Variants in CELF2 observed in about 807,000 individuals in gnomAD.
CELF2 encodes the protein CUGBP Elav-like family member 2.
In CELF2, 8 loss-of-function variants were observed where a neutral mutation model predicts 62.6. The observed-to-expected ratio is 0.13, with a 90% CI of 0.07 to 0.23. The LOEUF (loss-of-function observed/expected upper bound fraction) is 0.23. Ranked by LOEUF, CELF2 falls within the 10% of genes least tolerant of loss-of-function variation. The pLI, the probability that CELF2 is intolerant of heterozygous loss-of-function variation, is 1.00. For synonymous variants in CELF2, 258 were observed against 250.0 expected, an observed-to-expected ratio of 1.03 and a Z score of -0.30; for missense variants, 333 against 671.0, an observed-to-expected ratio of 0.50 and a Z score of 5.56.
intron 4 of CELF2, among the ~76,000 whole-genome samples, chr10:11,250,990 C>T (rs971618883): frequency 6.6e-6 from 1 of 152,152 alleles, no homozygotes; most frequent in African/African-American, 2.4e-5. Context: ...CTGATGACTT[C>T]CTTGGTGGGA....
the CELF2 span, among the ~76,000 whole-genome samples, chr10:10,733,385 G>A: frequency 6.6e-6 from 1 of 151,956 alleles, no homozygotes; most frequent in Non-Finnish European, 1.5e-5. Flanking sequence ...AGTCATCAAA[G>A]AAACAAGCTT....
intron 2 of CELF2, among the ~76,000 whole-genome samples, chr10:11,212,024 A>G (rs2061981545): frequency 6.6e-6 from 1 of 152,158 alleles, no homozygotes. Flanking sequence ...TGTGTGGAGT[A>G]TGTCACACTC....
At chr10:10,594,415 T>A in the CELF2 span, among the ~76,000 whole-genome samples, 1 of 152,162 alleles carries the variant, frequency 6.6e-6, no homozygotes, top group African/African-American at 2.4e-5. Flanking sequence ...AGCTAACCTG[T>A]GCCCAGGCAT....
Position 11,117,539 on chromosome 10 carries a change from T to C in CELF2, c.75-47947T>C, listed in dbSNP as rs1018596650. On this transcript the variant is annotated intron_variant, in intron 1 of 12. Coordinates refer to ENST00000633077, the MANE Select transcript of CELF2 (RefSeq NM_001326342.2). The surrounding 1 kb of genome is among the most constrained non-coding windows in gnomAD (Gnocchi z 4.1). ...TAGACCTAGGTCCATCTTGAGGTGT[T>C]GTTATACAGCCTCTTAGGGGTTTTT... Among the ~76,000 whole-genome samples, 2 of 152,176 alleles carry C rather than the reference T, an allele frequency of 1.3e-5. No individual in the cohort carries two copies. The highest frequency in any genetic ancestry group is 2.4e-5 in the African/African-American group (1 of 41,432).
At position 11,270,517 on chromosome 10, in the gene CELF2, G is replaced by A. The variant is rs1419631799; in HGVS notation, c.619-149G>A. ...TTTTCTGTTGATGGTACTATTCAGA[G>A]AAGAAGGAATATCAAACCGTTTTAA... On this transcript the variant is annotated intron_variant, in intron 6 of 12. Coordinates refer to ENST00000633077, the MANE Select transcript of CELF2 (RefSeq NM_001326342.2). The surrounding 1 kb of genome is among the most constrained non-coding windows in gnomAD (Gnocchi z 5.8). 4 of 589,866 alleles carry A rather than the reference G, an allele frequency of 6.8e-6. No individual in the cohort carries two copies. The highest frequency in any genetic ancestry group is 3.7e-5 in the Admixed American group (1 of 26,860). The allele number at this position is 589,866 out of a possible 1,614,324, so 36.5% of individuals were successfully genotyped here.
chr10:11,278,357 G>T, intron 8 of CELF2, among the ~76,000 whole-genome samples: 1 of 152,128 alleles, frequency 6.6e-6, no homozygotes, highest in African/African-American at 2.4e-5. Flanking sequence ...TACTTTTTGT[G>T]CCTCCTTGGA....
upstream of CELF2, among the ~76,000 whole-genome samples, chr10:10,795,856 G>C (rs564115970): frequency 6.6e-6 from 1 of 151,912 alleles, no homozygotes; most frequent in Non-Finnish European, 1.5e-5. Context: ...GGTTTCAAAC[G>C]TTATCCTCCT....
intron 1 of CELF2, among the ~76,000 whole-genome samples, chr10:10,878,175 G>A (rs2061230012): frequency 6.6e-6 from 1 of 152,152 alleles, no homozygotes. Flanking sequence ...GATCCTATAG[G>A]ATCCCATCTA....
chr10:11,132,587 CTTTG>C (rs2059780432), intron 1 of CELF2, among the ~76,000 whole-genome samples: 1 of 152,102 alleles, frequency 6.6e-6, no homozygotes, highest in African/African-American at 2.4e-5. Flanking sequence ...ATGAAATTGT[CTTTG>C]TGTTAGAAAT....
chr10:10,933,603 C>T (rs971774789), intron 2 of CELF2, among the ~76,000 whole-genome samples: 2 of 152,080 alleles, frequency 1.3e-5, no homozygotes, highest in Admixed American at 6.5e-5. Context: ...CTCTCATCCC[C>T]ACCCCACCCC....
At chr10:11,261,113 C>A (rs1424441569) in intron 5 of CELF2, among the ~76,000 whole-genome samples, 1 of 152,216 alleles carries the variant, frequency 6.6e-6, no homozygotes, top group Admixed American at 6.5e-5. Flanking sequence ...GTTTTAAAAT[C>A]AAACTCTTGG....
At chr10:10,580,040 T>A in the CELF2 span, among the ~76,000 whole-genome samples, 1 of 152,172 alleles carries the variant, frequency 6.6e-6, no homozygotes, top group African/African-American at 2.4e-5. Context: ...ATAAATTATC[T>A]TCTCCTTCTA....
intron 1 of CELF2, among the ~76,000 whole-genome samples, chr10:10,852,357 A>G (rs1014991374): frequency 1.3e-5 from 2 of 152,238 alleles, no homozygotes; most frequent in Non-Finnish European, 2.9e-5. Context: ...GTTACTTGCT[A>G]TATGACTTCA....
chr10:11,329,688 TTGTC>T lies in CELF2; in HGVS notation c.*637_*640del, dbSNP rs1334109758. On this transcript the variant is annotated 3_prime_UTR_variant, in exon 13 of 13. Coordinates refer to ENST00000633077, the MANE Select transcript of CELF2 (RefSeq NM_001326342.2). The surrounding 1 kb of genome is among the most constrained non-coding windows in gnomAD (Gnocchi z 5.5). The stretch of plus-strand genomic sequence containing the variant: ...TTTATTGGTCAAAATATTACACTGG[TTGTC>T]TATTTTGTTATTGTTTTATTTTAGT... 2.0e-5 allele frequency: 3 copies of T among 152,580 alleles called. No individual in the cohort carries two copies. The highest frequency in any genetic ancestry group is 7.2e-5 in the African/African-American group (3 of 41,464). 9.5% of individuals were successfully genotyped at this position (152,580 alleles called of 1,614,324 possible).
chr10:11,131,896 A>G (rs1474506913), intron 1 of CELF2, among the ~76,000 whole-genome samples: 3 of 152,224 alleles, frequency 2.0e-5, no homozygotes, highest in Non-Finnish European at 4.4e-5. Flanking sequence ...GTAATCAAAG[A>G]GTTGAGTTTC....
rs947822773 is a variant in CELF2 at position 10,943,182 on chromosome 10, C to T, written c.89+23183C>T. 2.0e-5 allele frequency among the ~76,000 whole-genome samples: 3 copies of T among 152,290 alleles called. No individual in the cohort carries two copies. In the East Asian group the frequency reaches 5.8e-4, roughly 29 times the overall value. On this transcript the variant is annotated intron_variant, in intron 2 of 13. Coordinates refer to the CELF2 transcript ENST00000636488. Reference sequence around the variant, plus strand: ...GATTTGGGGTTTATCTCCCATCTCTCCAACTGATGTCATCTGAATAAGGTC... The same window carrying T: ...GATTTGGGGTTTATCTCCCATCTCTTCAACTGATGTCATCTGAATAAGGTC...
At chr10:10,960,886 A>G (rs2049424611) in intron 2 of CELF2, among the ~76,000 whole-genome samples, 1 of 152,218 alleles carries the variant, frequency 6.6e-6, no homozygotes, top group Non-Finnish European at 1.5e-5. Flanking sequence ...TTAGAGTCAC[A>G]TTGTAACTAG....
chr10:10,648,180 T>C, the CELF2 span, among the ~76,000 whole-genome samples: 1 of 152,184 alleles, frequency 6.6e-6, no homozygotes, highest in Non-Finnish European at 1.5e-5. Flanking sequence ...CTCATCCCCA[T>C]GTTGACGTCA....
At chr10:11,209,379 C>T (rs1380068387) in intron 2 of CELF2, among the ~76,000 whole-genome samples, 1 of 151,746 alleles carries the variant, frequency 6.6e-6, no homozygotes, top group African/African-American at 2.4e-5. Flanking sequence ...TGACCATTTC[C>T]TAGCAGTGCC....
Sources: allele counts gnomAD v4.1 joint callset (sites outside exome capture counted in the v4.1 genomes callset), GRCh38; gene constraint gnomAD v4.1.1; non-coding constraint Gnocchi (gnomAD v3.1); transcripts MANE v1.5; gene names NCBI Gene and HGNC (gene_info 2026-07-23, HGNC 2026-07-21).